Variants in TLK1 observed in about 807,000 individuals in gnomAD.
TLK1 encodes tousled like kinase 1.
Under a neutral mutation model 105.3 loss-of-function variants are expected in TLK1, and 24 were observed. That is an observed-to-expected ratio of 0.23 (90% CI 0.17 to 0.32). The LOEUF (loss-of-function observed/expected upper bound fraction) is 0.32. TLK1 is among the 10% of genes least tolerant of loss of function. TLK1 has a pLI of 1.00. For synonymous variants in TLK1, 321 were observed against 310.4 expected (o/e 1.03, Z -0.36); for missense variants, 558 against 910.5 (o/e 0.61, Z 4.98).
At chr2:171,016,346 C>T (rs1244827694) in intron 12 of TLK1, among the ~76,000 whole-genome samples, 1 of 152,144 alleles carries the variant, frequency 6.6e-6, no homozygotes, top group Non-Finnish European at 1.5e-5. Flanking sequence ...GTTGCCCAGG[C>T]TAGTCCTGAA....
intron 12 of TLK1, 134 bp from the exon 13 acceptor site, chr2:171,015,082 C>T (rs2105373289): frequency 3.0e-6 from 2 of 666,836 alleles, no homozygotes; most frequent in Non-Finnish European, 5.1e-6. Context: ...GTTAAAAGAC[C>T]AAAGTGCTCT....
At chr2:171,164,250 AC>A (rs1692566867), upstream of TLK1, among the ~76,000 whole-genome samples, 1 of 152,220 alleles carries the variant, frequency 6.6e-6, no homozygotes, top group South Asian at 2.1e-4. Context: ...AGTTATTTAA[AC>A]AAACTGCAGC....
chr2:171,224,753 A>T (rs1433151654), intron 1 of TLK1, among the ~76,000 whole-genome samples: 5 of 152,218 alleles, frequency 3.3e-5, no homozygotes, highest in African/African-American at 1.2e-4. Context: ...GAGCCAAAAC[A>T]ATCTTAAAGA....
chr2:171,069,565 T>A (rs1332972694), intron 3 of TLK1, among the ~76,000 whole-genome samples: 1 of 152,154 alleles, frequency 6.6e-6, no homozygotes, highest in Non-Finnish European at 1.5e-5. Flanking sequence ...CTACATTGCA[T>A]AGGACAGGAA....
At chr2:171,116,846 T>C (rs1690453991) in intron 2 of TLK1, among the ~76,000 whole-genome samples, 1 of 152,160 alleles carries the variant, frequency 6.6e-6, no homozygotes, top group African/African-American at 2.4e-5. Flanking sequence ...CCGCTGAAAA[T>C]GCAGATTAGT....
intron 1 of TLK1, among the ~76,000 whole-genome samples, chr2:171,121,710 T>C (rs1690663270): frequency 1.3e-5 from 2 of 152,242 alleles, no homozygotes; most frequent in Admixed American, 6.5e-5. Context: ...AACTGGTTGA[T>C]GGCACACTGA....
intron 3 of TLK1, among the ~76,000 whole-genome samples, chr2:171,068,912 T>G (rs1688131971): frequency 6.6e-6 from 1 of 152,216 alleles, no homozygotes; most frequent in Admixed American, 6.5e-5. Context: ...TTCACTGTGT[T>G]CTACTGACAT....
At chr2:171,046,692 C>A (rs1686977909) in intron 10 of TLK1, among the ~76,000 whole-genome samples, 1 of 152,152 alleles carries the variant, frequency 6.6e-6, no homozygotes, top group Non-Finnish European at 1.5e-5. Context: ...TGACATCACT[C>A]CCTAAGAACA....
intron 1 of TLK1, among the ~76,000 whole-genome samples, chr2:171,158,418 C>T (rs1405214895): frequency 6.6e-6 from 1 of 152,134 alleles, no homozygotes; most frequent in Non-Finnish European, 1.5e-5. Flanking sequence ...TTTCAAACAT[C>T]AGGAAAAGTG....
chr2:171,103,439 G>A (rs891228866), intron 2 of TLK1, among the ~76,000 whole-genome samples: 3 of 151,676 alleles, frequency 2.0e-5, no homozygotes, highest in South Asian at 2.1e-4. Flanking sequence ...CACCATGTCC[G>A]GCTAATTTTT....
chr2:171,158,715 A>C (rs1364257239), intron 1 of TLK1, among the ~76,000 whole-genome samples: 1 of 152,248 alleles, frequency 6.6e-6, no homozygotes, highest in Non-Finnish European at 1.5e-5. Context: ...CAAAAGTAAA[A>C]GCATGCTAAA....
At chr2:171,195,885 A>C (rs218303) in intron 1 of TLK1, among the ~76,000 whole-genome samples, 144,647 of 151,962 alleles carry the variant, frequency 0.95, 69,263 homozygotes, top group East Asian at 1. Flanking sequence ...CCCGTCTTGC[A>C]ATGTTCGTGT....
intron 18 of TLK1, among the ~76,000 whole-genome samples, chr2:171,004,411 G>C (rs1343807472): frequency 1.3e-5 from 2 of 151,568 alleles, no homozygotes; most frequent in African/African-American, 4.8e-5. Context: ...ATTATTCAAG[G>C]TCAGCTGTAC....
At chr2:171,162,345 C>T (rs1419160631), upstream of TLK1, among the ~76,000 whole-genome samples, 2 of 152,224 alleles carry the variant, frequency 1.3e-5, no homozygotes, top group Non-Finnish European at 2.9e-5. Context: ...TGAGACCAGC[C>T]TGGCCAACAT....
intron 1 of TLK1, among the ~76,000 whole-genome samples, chr2:171,136,239 T>A (rs1691316706): frequency 6.6e-6 from 1 of 152,234 alleles, no homozygotes; most frequent in Non-Finnish European, 1.5e-5. Context: ...TACTATATGA[T>A]TCCAGTTCTG....
chr2:171,118,794 C>A (rs1690538455), intron 1 of TLK1, among the ~76,000 whole-genome samples: 1 of 152,218 alleles, frequency 6.6e-6, no homozygotes, highest in South Asian at 2.1e-4. Context: ...ATACTAGCCC[C>A]TTCCACACAT....
chr2:171,009,204 A>G (rs183473422), intron 14 of TLK1, among the ~76,000 whole-genome samples: 10 of 151,926 alleles, frequency 6.6e-5, no homozygotes, highest in Non-Finnish European at 1.3e-4. Context: ...AAGTTCTCTT[A>G]ACTCAAATCC....
intron 11 of TLK1, among the ~76,000 whole-genome samples, chr2:171,044,114 G>A (rs1311541774): frequency 6.6e-6 from 1 of 152,076 alleles, no homozygotes; most frequent in African/African-American, 2.4e-5. Context: ...AATTACTAAT[G>A]GATTAAGAAA....
intron 1 of TLK1, among the ~76,000 whole-genome samples, chr2:171,181,648 A>T (rs1243740637): frequency 6.6e-6 from 1 of 152,148 alleles, no homozygotes; most frequent in Non-Finnish European, 1.5e-5. Context: ...GGAAGCAAGG[A>T]GAGGGAGAGG....
Sources: allele counts gnomAD v4.1 joint callset (sites outside exome capture counted in the v4.1 genomes callset), GRCh38; gene constraint gnomAD v4.1.1; transcripts MANE v1.5; gene names NCBI Gene and HGNC (gene_info 2026-07-23, HGNC 2026-07-21).